GYS1: variants seen among roughly 807,000 people sequenced by gnomAD.
The protein encoded by GYS1 is glycogen synthase 1.
GYS1 carries 60 observed loss-of-function variants against 89.1 expected under a neutral mutation model. That is an observed-to-expected ratio of 0.67 (90% CI 0.55 to 0.84). GYS1 has a LOEUF of 0.84. Among genes scored for constraint, GYS1 ranks in the 40% least tolerant of loss-of-function variants. The probability of loss-of-function intolerance (pLI) is 0.00; values close to 1 mark genes in which losing one functional copy is unlikely to be tolerated. For synonymous variants in GYS1, 366 were observed against 401.7 expected (o/e 0.91, Z 1.06); for missense variants, 888 against 1,003.1 (o/e 0.89, Z 1.55).
rs773865137 is a variant in GYS1 at position 48,987,361 on chromosome 19, C to T, written c.325G>A (p.Glu109Lys). Residue 109 changes from glutamate (E) to lysine (K), a missense_variant, in exon 3 of 16, where the codon GAG (glutamate) becomes AAG (lysine). Transcript: ENST00000323798. ...AGGAGCACCACCAGAGGGCCTCCCT[C>T]GATCAGCCAGCGCCCGAAATACACC... Reference protein sequence around the residue: ...CKVYFGRWLIEGGPLVVLLDV... With the variant: ...CKVYFGRWLIKGGPLVVLLDV... The T allele has an allele frequency of 4.4e-6, 7 of 1,607,970 alleles. No individual in the cohort carries two copies. Among genetic ancestry groups the T allele is most frequent in the East Asian group, 2.2e-5 (1 of 44,734 alleles).
At chr19:48,978,477 G>A (rs1028435749) in intron 8 of GYS1, among the ~76,000 whole-genome samples, 5 of 151,272 alleles carry the variant, frequency 3.3e-5, no homozygotes, top group East Asian at 1.9e-4. Context: ...TGCCCACCTC[G>A]GCCTCCCAAA....
At chr19:48,969,740 G>A (rs202032072) in intron 15 of GYS1, 35 bp downstream of exon 15, 7 of 1,603,016 alleles carry the variant, frequency 4.4e-6, no homozygotes, top group Middle Eastern at 1.7e-4. Context: ...CAGCCCTTTA[G>A]CTCCTGGCTA....
Position 48,986,061 on chromosome 19 carries a change from T to C in GYS1, c.493-26A>G, listed in dbSNP as rs754780818. 1.9e-6 allele frequency: 3 copies of C among 1,609,382 alleles called. No homozygotes were observed. The Admixed American group carries it at 5.0e-5, about 27-fold the overall frequency. On this transcript the variant is annotated intron_variant, in intron 3 of 15. Transcript: ENST00000323798. ...CTGTGGGCAACAGGGACAGGGCCAC[T>C]GTCTCCACGAGTGTTGGGAAAAGAA... is the stretch of plus-strand genomic sequence containing the variant.
intron 3 of GYS1, among the ~76,000 whole-genome samples, 180 bp downstream of exon 3, chr19:48,987,014 T>G (rs764754680): frequency 6.6e-6 from 1 of 152,164 alleles, no homozygotes; most frequent in East Asian, 1.9e-4. Context: ...GTAAATGAAG[T>G]TGGCATCGAG....
Position 48,974,645 on chromosome 19 carries a change from A to G in GYS1, c.1397T>C (p.Phe466Ser), listed in dbSNP as rs1305726002. 6.2e-7 allele frequency: 1 copy of G among 1,613,576 alleles called. No individual in the cohort carries two copies. Among genetic ancestry groups the G allele is most frequent in the Non-Finnish European group, 8.5e-7 (1 of 1,179,632 alleles). Reference protein sequence around the residue: ...ILTTIRRIGLFNSSADRVKVI... With the variant: ...ILTTIRRIGLSNSSADRVKVI... ...CTTCACCCTGTCGGCACTGCTATTG[A>G]AGAGGCCGATTCGGCGGATGGTGGT... The change falls in exon 11 of 16, where the codon TTC becomes TCC. Residue 466 changes from phenylalanine (F) to serine (S), a missense_variant. Physicochemically the swap from Phe to Ser is radical, Grantham distance 155. Transcript: ENST00000323798.
chr19:48,979,640 T>G (rs2038722858), intron 8 of GYS1, among the ~76,000 whole-genome samples: 1 of 128,192 alleles, frequency 7.8e-6, no homozygotes, highest in East Asian at 2.5e-4. Flanking sequence ...CCCAGCCTCT[T>G]TCTTTCTTTT....
In GYS1 at chr19:48,969,464, C is replaced by T. The variant is rs754310863; in HGVS notation, c.2038G>A (p.Glu680Lys). ...EDGERYDEDE[E>K]AAKDRRNIRA... ...ATGTTGCGCCGGTCCTTGGCGGCCT[C>T]CTCGTCCTCATCGTAGCGCTCGCCG... Residue 680 changes from glutamate (E) to lysine (K), a missense_variant, in exon 16 of 16, where the codon GAG becomes AAG. By Grantham distance (56) the Glu-to-Lys change is moderately conservative (BLOSUM62 1). Coordinates refer to ENST00000323798, the MANE Select transcript of GYS1 (RefSeq NM_002103.5). The T allele has an allele frequency of 2.4e-5, 37 of 1,545,068 alleles. No homozygotes were observed. The highest frequency in any genetic ancestry group is 3.2e-5 in the Non-Finnish European group (37 of 1,146,978).
At chr19:48,982,213 GC>G (rs779443563) in intron 7 of GYS1, 41 bp downstream of exon 7, 1 of 1,607,064 alleles carries the variant, frequency 6.2e-7, no homozygotes, top group Admixed American at 1.7e-5. Flanking sequence ...GTTATAAACT[GC>G]TTTGCTTGCC....
Position 48,991,249 on chromosome 19 carries a change from C to T in GYS1, c.300+53G>A. The T allele has an allele frequency of 6.3e-6, 10 of 1,584,582 alleles. No individual in the cohort carries two copies. The highest frequency in any genetic ancestry group is 8.6e-6 in the Non-Finnish European group (10 of 1,157,618). ...GCACCCTCTCCGTCTGTGGCTCCCA[C>T]CCCGATGGCAGGCTGTCCACCCGCT... On this transcript the variant is annotated intron_variant, in intron 2 of 15. Coordinates refer to ENST00000323798, the MANE Select transcript of GYS1 (RefSeq NM_002103.5). This position sits in a 1 kb window ranked among gnomAD's most constrained non-coding sequence, Gnocchi z 4.7.
chr19:48,981,441 C>CAA, intron 8 of GYS1, 89 bp downstream of exon 8: 1 of 797,084 alleles, frequency 1.3e-6, no homozygotes, highest in Non-Finnish European at 2.2e-6. Context: ...ACAAACAAAA[C>CAA]AAAAAACTGA....
At chr19:48,978,258 T>C (rs955092713) in intron 8 of GYS1, 101 bp from the exon 9 acceptor site, 38 of 1,042,268 alleles carry the variant, frequency 3.6e-5, no homozygotes, top group Middle Eastern at 5.7e-4. Context: ...GGAGTTTGGC[T>C]CTTGTTGCCC....
rs2038552183 is a variant in GYS1 at position 48,970,781 on chromosome 19, C to G, written c.1646-72G>C. ...TCATGGTCTCCAGGACTCTGTGGCACCAGGACCCCTCCTCTCCCAGCGGCC... is the reference window on the plus strand; with the variant it reads ...TCATGGTCTCCAGGACTCTGTGGCAGCAGGACCCCTCCTCTCCCAGCGGCC... On this transcript the variant is annotated intron_variant, in intron 13 of 15. Coordinates refer to ENST00000323798, the MANE Select transcript of GYS1 (RefSeq NM_002103.5). 6.0e-6 allele frequency: 9 copies of G among 1,506,478 alleles called. No homozygotes were observed. The South Asian group carries it at 1.0e-4, about 17-fold the overall frequency. The allele number at this position is 1,506,478 out of a possible 1,614,324, so 93.3% of individuals were successfully genotyped here.
rs777790439 is a variant in GYS1, at chr19:48,968,830, GC to G, written c.*457del. The G allele has an allele frequency of 2.4e-5, 11 of 457,740 alleles. No homozygotes were observed. Among genetic ancestry groups the G allele is most frequent in the South Asian group, 1.7e-4 (11 of 64,518 alleles). 28.4% of individuals were successfully genotyped at this position (457,740 alleles called of 1,614,324 possible). The stretch of plus-strand genomic sequence containing the variant: ...AAGTGCCCCGGCTCTGGACTTGATC[GC>G]CCCATTCGCAGGGACACCACGTGGT... On this transcript the variant is annotated 3_prime_UTR_variant, in exon 16 of 16. Coordinates refer to ENST00000323798, the MANE Select transcript of GYS1 (RefSeq NM_002103.5).
At chr19:48,972,998 A>G (rs975753732) in intron 12 of GYS1, among the ~76,000 whole-genome samples, 1 of 152,118 alleles carries the variant, frequency 6.6e-6, no homozygotes, top group Non-Finnish European at 1.5e-5. Context: ...AATGTATTAA[A>G]TATATATTTA....
chr19:48,980,504 A>G (rs960785564), intron 8 of GYS1, among the ~76,000 whole-genome samples: 1 of 151,748 alleles, frequency 6.6e-6, no homozygotes, highest in African/African-American at 2.4e-5. Context: ...AAATATAAAA[A>G]TTAGCTAGCA....
intron 12 of GYS1, among the ~76,000 whole-genome samples, chr19:48,972,216 T>C (rs1235885206): frequency 6.6e-6 from 1 of 151,572 alleles, no homozygotes; most frequent in Non-Finnish European, 1.5e-5. Flanking sequence ...CAGGCGCCTA[T>C]AGTCCCAGCT....
intron 7 of GYS1, 31 bp downstream of exon 7, chr19:48,982,224 C>T (rs779757675): frequency 1.9e-6 from 3 of 1,611,354 alleles, no homozygotes; most frequent in African/African-American, 1.3e-5. Context: ...CTTTGCTTGC[C>T]CTCCCTGTCC....
Position 48,969,093 on chromosome 19 carries a change from A to T in GYS1, c.*195T>A. The T allele has an allele frequency of 1.6e-6, 1 of 638,958 alleles. No homozygotes were observed. The highest frequency in any genetic ancestry group is 2.7e-5 in the East Asian group (1 of 36,742). 39.6% of individuals were successfully genotyped at this position (638,958 alleles called of 1,614,324 possible). On this transcript the variant is annotated 3_prime_UTR_variant, in exon 16 of 16. Transcript: ENST00000323798. ...GCATATTCTGGAGCCAGAGAAAGGC[A>T]CGGCTTTGTGGATTCTGGAGTGCAG...
rs201072036 is a variant in GYS1, at chr19:48,969,507, G to A, written c.1995C>T (p.Asn665=). The A allele has an allele frequency of 2.1e-5, 32 of 1,544,364 alleles. No individual in the cohort carries two copies. In the East Asian group the frequency reaches 6.6e-4, roughly 32 times the overall value. Residue 665 remains asparagine, a synonymous_variant, in exon 16 of 16, where the codon AAC becomes AAT. Transcript: ENST00000323798. ...HQSEDEEDPR[N]GPLEEDGERY... is the part of the protein sequence containing the mutation. ...GCTCGCCGTCTTCCTCCAGCGGCCC[G>A]TTCCGGGGATCCTCCTCGTCCTCAC...
Sources: allele counts gnomAD v4.1 joint callset (sites outside exome capture counted in the v4.1 genomes callset), GRCh38; gene constraint gnomAD v4.1.1; non-coding constraint Gnocchi (gnomAD v3.1); transcripts MANE v1.5; gene names NCBI Gene and HGNC (gene_info 2026-07-23, HGNC 2026-07-21).